The following CD96 variants were observed in gnomAD, a reference collection of about 807,000 sequenced individuals.
CD96 encodes T-cell surface protein tactile.
CD96 carries 70 observed loss-of-function variants against 71.3 expected under a neutral mutation model. The observed-to-expected ratio is 0.98, with a 90% confidence interval of 0.81 to 1.20. The LOEUF (loss-of-function observed/expected upper bound fraction) is 1.20, where lower values mean the gene tolerates loss of function less well. CD96 is among the 50% of genes most tolerant of loss of function. The probability of loss-of-function intolerance (pLI) is 0.00; values close to 1 mark genes in which losing one functional copy is unlikely to be tolerated. For missense variants in CD96, 742 were observed against 677.5 expected (o/e 1.10, Z -1.06); for synonymous variants, 248 against 233.0 (o/e 1.06, Z -0.59).
chr3:111,627,594 C>A (rs1373566753), intron 10 of CD96, among the ~76,000 whole-genome samples: 1 of 152,126 alleles, frequency 6.6e-6, no homozygotes, highest in Non-Finnish European at 1.5e-5. Context: ...TTGAAGAGCC[C>A]AAATCAATTG....
intron 2 of CD96, among the ~76,000 whole-genome samples, chr3:111,566,771 A>G (rs1367452945): frequency 6.6e-6 from 1 of 152,154 alleles, no homozygotes; most frequent in African/African-American, 2.4e-5. Context: ...AAGTTTCCTT[A>G]TATATGTTTG....
chr3:111,638,102 A>T lies in CD96; in HGVS notation c.1411A>T (p.Arg471Ter). The T allele has an allele frequency of 8.7e-6, 14 of 1,609,214 alleles. No homozygotes were observed. Among genetic ancestry groups the T allele is most frequent in the Non-Finnish European group, 1.2e-5 (14 of 1,175,516 alleles). The change falls in exon 12 of 14, where the codon AGA becomes TGA. Residue 471 changes from arginine (R) to a stop codon, truncating the protein, a stop_gained. Transcript: ENST00000352690. LOFTEE classifies it high-confidence loss of function. ...LHDNVFTSTA[R>*]AFSEVPTTAN... ...AGACAATGTCTTTACCAGCACAGCCAGAGCATTTTCAGAAGTCCCCACAAC... is the reference window on the plus strand; with the variant it reads ...AGACAATGTCTTTACCAGCACAGCCTGAGCATTTTCAGAAGTCCCCACAAC...
intron 13 of CD96, among the ~76,000 whole-genome samples, chr3:111,648,110 G>A (rs1158630942): frequency 1.3e-5 from 2 of 152,168 alleles, no homozygotes; most frequent in African/African-American, 4.8e-5. Context: ...ACCAGAGTGG[G>A]CTTTTACTGC....
Position 111,628,439 on chromosome 3 carries a change from G to A in CD96, c.1321+4035G>A, listed in dbSNP as rs371749643. 5.3e-5 allele frequency among the ~76,000 whole-genome samples: 8 copies of A among 152,292 alleles called. No homozygotes were observed. The East Asian group carries it at 5.8e-4, about 11-fold the overall frequency. ...GGAGGCAAGAATCTCAGAGCTTGAA[G>A]ATTGTCTTTCTGAAATAAGACAGGC... On this transcript the variant is annotated intron_variant, in intron 10 of 13. Coordinates refer to ENST00000352690, the MANE Select transcript of CD96 (RefSeq NM_005816.5).
At position 111,584,133 on chromosome 3, in the gene CD96, T is replaced by C. The variant is rs192004985; in HGVS notation, c.752-1190T>C. ...CTGCCAGACACCCTAAATCATCTCT[T>C]GTAAGTCCAAAGTTCCACAAATCTC... On this transcript the variant is annotated intron_variant, in intron 4 of 13. Transcript: ENST00000352690. Among the ~76,000 whole-genome samples, 30 of 152,292 alleles carry C rather than the reference T, an allele frequency of 2.0e-4. No individual in the cohort carries two copies. In the East Asian group the frequency reaches 2.9e-3, roughly 15 times the overall value.
chr3:111,633,494 G>A (rs924087969), intron 10 of CD96, among the ~76,000 whole-genome samples: 3 of 152,126 alleles, frequency 2.0e-5, no homozygotes, highest in Non-Finnish European at 4.4e-5. Context: ...TTGCCACAAA[G>A]CTACAATTTG....
chr3:111,593,245 A>C (rs759115852), intron 5 of CD96: 2 of 272,906 alleles, frequency 7.3e-6, no homozygotes, highest in Non-Finnish European at 1.4e-5. Context: ...TTGTTAAACA[A>C]CGCTGACTGG....
rs2276872 is a variant in CD96 at position 111,567,528 on chromosome 3, G to C, written c.424G>C (p.Ala142Pro). Residue 142 changes from alanine to proline, a missense_variant, in exon 3 of 14, where the codon GCA becomes CCA. Coordinates refer to ENST00000352690, the MANE Select transcript of CD96 (RefSeq NM_005816.5). ...TACCTTATGTTTTGTTACAGTTACA[G>C]CAGATGAATGGAACAGCAACCATAC... ...YNLLIQTHVT[A>P]DEWNSNHTIE... 26,038 of 1,605,728 alleles carry C rather than the reference G, an allele frequency of 0.016. 1,218 individuals are homozygous for C. The highest frequency in any genetic ancestry group is 0.15 in the East Asian group (6,886 of 44,788).
intron 11 of CD96, 80 bp downstream of exon 11, chr3:111,637,341 A>T: frequency 1.2e-6 from 1 of 807,606 alleles, no homozygotes; most frequent in Non-Finnish European, 2.2e-6. Context: ...ACAAGAACTG[A>T]TAAGAAGCCA....
intron 5 of CD96, chr3:111,593,597 C>T (rs1559742951): frequency 2.6e-6 from 4 of 1,558,880 alleles, no homozygotes; most frequent in South Asian, 2.4e-5. Context: ...CTCCCGCTGG[C>T]ATGCCTCCTT....
intron 5 of CD96, among the ~76,000 whole-genome samples, chr3:111,587,596 G>A (rs1188761536): frequency 6.6e-6 from 1 of 152,192 alleles, no homozygotes; most frequent in Non-Finnish European, 1.5e-5. Flanking sequence ...ACTACTTGTG[G>A]GGCCTCCAAC....
At chr3:111,654,855 T>C (rs992354818), downstream of CD96, among the ~76,000 whole-genome samples, 1 of 152,228 alleles carries the variant, frequency 6.6e-6, no homozygotes, top group Non-Finnish European at 1.5e-5. Context: ...CACCAGAAAG[T>C]ACTTAAAAGT....
intron 3 of CD96, among the ~76,000 whole-genome samples, chr3:111,577,722 A>G (rs567022789): frequency 1.3e-5 from 2 of 152,334 alleles, no homozygotes; most frequent in South Asian, 4.1e-4. Flanking sequence ...TATTTAAACT[A>G]TTTAAGAAGT....
chr3:111,639,521 C>T (rs1345657408), intron 12 of CD96, among the ~76,000 whole-genome samples: 3 of 152,160 alleles, frequency 2.0e-5, no homozygotes, highest in Admixed American at 6.5e-5. Context: ...AGCCCTGCCC[C>T]GACCTGATGG....
chr3:111,661,055 G>T (rs1940342004), intron 14 of CD96, among the ~76,000 whole-genome samples: 1 of 152,182 alleles, frequency 6.6e-6, no homozygotes, highest in Admixed American at 6.5e-5. Context: ...CTGTATGGAG[G>T]AATGGCTGGG....
Position 111,600,718 on chromosome 3 carries a change from T to C in CD96, c.899-8T>C. 1 of 1,600,314 alleles carries C rather than the reference T, an allele frequency of 6.2e-7. No individual in the cohort carries two copies. ...TAGTGTTGAACCATGTTCGTATCTGTCTGGCAGGAATATATATTACTAATG... is the reference window on the plus strand; with the variant it reads ...TAGTGTTGAACCATGTTCGTATCTGCCTGGCAGGAATATATATTACTAATG... On this transcript the variant is annotated splice_polypyrimidine_tract_variant and splice_region_variant and intron_variant, in intron 6 of 13. Transcript: ENST00000352690.
intron 8 of CD96, among the ~76,000 whole-genome samples, chr3:111,614,180 C>T (rs769315948): frequency 3.9e-5 from 6 of 152,278 alleles, no homozygotes; most frequent in Admixed American, 3.3e-4. Context: ...CCTCTTCCTT[C>T]CCCCAAGTGT....
At chr3:111,589,956 G>A (rs781139413) in intron 5 of CD96, among the ~76,000 whole-genome samples, 1 of 152,148 alleles carries the variant, frequency 6.6e-6, no homozygotes, top group African/African-American at 2.4e-5. Flanking sequence ...TACTTCAGAG[G>A]GTTCTTAGGA....
chr3:111,550,615 T>A (rs1050595904), intron 2 of CD96, among the ~76,000 whole-genome samples: 1 of 152,092 alleles, frequency 6.6e-6, no homozygotes, highest in Admixed American at 6.6e-5. Flanking sequence ...AGTTTTTTTT[T>A]ATTGTAACAG....
Sources: gnomAD v4.1 joint callset for allele counts (sites outside exome capture counted in the v4.1 genomes callset) on GRCh38, gnomAD v4.1.1 for gene constraint, MANE v1.5 for transcripts, NCBI Gene and HGNC (gene_info 2026-07-23, HGNC 2026-07-21) for gene names.